Variants in SLC5A4 observed in about 807,000 individuals in gnomAD.
SLC5A4 encodes probable glucose sensor protein SLC5A4.
SLC5A4 carries 55 observed loss-of-function variants against 70.3 expected under a neutral mutation model. The ratio of observed to expected loss-of-function variants is 0.78; its 90% CI spans 0.63 to 0.98. The LOEUF (loss-of-function observed/expected upper bound fraction) is 0.98, where lower values mean the gene tolerates loss of function less well. Among genes scored for constraint, SLC5A4 ranks in the 50% least tolerant of loss-of-function variants. The pLI, the probability that SLC5A4 is intolerant of heterozygous loss-of-function variation, is 0.00. For missense variants in SLC5A4, 735 were observed against 839.2 expected, an observed-to-expected ratio of 0.88 and a Z score of 1.53; for synonymous variants, 268 against 305.7, an observed-to-expected ratio of 0.88 and a Z score of 1.29.
chr22:32,324,246 T>C, the SLC5A4 span, among the ~76,000 whole-genome samples: 4 of 140,744 alleles, frequency 2.8e-5, no homozygotes, highest in Non-Finnish European at 6.1e-5. Flanking sequence ...CATATGTATG[T>C]GTATATATAC....
chr22:32,345,098 A>G, the SLC5A4 span, among the ~76,000 whole-genome samples: 4 of 152,218 alleles, frequency 2.6e-5, no homozygotes, highest in African/African-American at 7.2e-5. Flanking sequence ...TTTAGAATGT[A>G]TTAACTGCAA....
At chr22:32,228,949 G>A (rs546510125) in intron 11 of SLC5A4, among the ~76,000 whole-genome samples, 3 of 152,232 alleles carry the variant, frequency 2.0e-5, no homozygotes, top group Non-Finnish European at 4.4e-5. Context: ...GATGTGAGGA[G>A]GGGAAGAAAT....
chr22:32,263,926 A>G, the SLC5A4 span, among the ~76,000 whole-genome samples: 1 of 152,198 alleles, frequency 6.6e-6, no homozygotes, highest in Non-Finnish European at 1.5e-5. Flanking sequence ...GGGAACCATC[A>G]TTCTCAGTAA....
At chr22:32,235,180 A>G in intron 7 of SLC5A4, 87 bp from the exon 8 acceptor site, 1 of 914,014 alleles carries the variant, frequency 1.1e-6, no homozygotes. Context: ...GTGGAGGTAA[A>G]CAAGCACCTC....
intron 13 of SLC5A4, among the ~76,000 whole-genome samples, chr22:32,223,887 C>T (rs1190409500): frequency 6.6e-6 from 1 of 152,134 alleles, no homozygotes; most frequent in Non-Finnish European, 1.5e-5. Context: ...GAATACATTT[C>T]CTGGAACTCA....
the SLC5A4 span, chr22:32,270,490 C>G: frequency 2.6e-6 from 2 of 782,480 alleles, no homozygotes; most frequent in Non-Finnish European, 4.4e-6. Flanking sequence ...ACCCAGCACC[C>G]CCGAAGCGGA....
the SLC5A4 span, among the ~76,000 whole-genome samples, chr22:32,305,043 G>C: frequency 2.6e-5 from 4 of 151,988 alleles, no homozygotes; most frequent in Non-Finnish European, 4.4e-5. Flanking sequence ...ATTTTATGTA[G>C]GTCTATTTCT....
At chr22:32,324,149 C>T in the SLC5A4 span, among the ~76,000 whole-genome samples, 4 of 149,678 alleles carry the variant, frequency 2.7e-5, no homozygotes, top group South Asian at 4.2e-4. Flanking sequence ...ATGGCATTGA[C>T]GCGGCTCTAT....
the SLC5A4 span, among the ~76,000 whole-genome samples, chr22:32,327,752 TG>T: frequency 0.67 from 102,493 of 151,976 alleles, 34,696 homozygotes; most frequent in East Asian, 0.74. Context: ...GGGACACAGT[TG>T]GGAGTGTCCT....
chr22:32,273,345 G>A, the SLC5A4 span: 46 of 182,572 alleles, frequency 2.5e-4, no homozygotes, highest in East Asian at 1.6e-4. Flanking sequence ...TATTGTTTAC[G>A]GAAGGGGGAA....
chr22:32,347,040 C>T, the SLC5A4 span, among the ~76,000 whole-genome samples: 11 of 152,212 alleles, frequency 7.2e-5, no homozygotes, highest in African/African-American at 2.2e-4. Flanking sequence ...AAAAAGTGGG[C>T]GAAGGATATG....
At chr22:32,232,110 G>C (rs2123890823) in intron 9 of SLC5A4, among the ~76,000 whole-genome samples, 1 of 152,254 alleles carries the variant, frequency 6.6e-6, no homozygotes. Flanking sequence ...AAAGTCCTGG[G>C]CCTCAAGCGA....
the SLC5A4 span, among the ~76,000 whole-genome samples, chr22:32,308,653 CTGA>C: frequency 7.2e-5 from 11 of 152,194 alleles, no homozygotes; most frequent in African/African-American, 1.7e-4. Context: ...TTGAATCTTT[CTGA>C]TGATGAGGGG....
At chr22:32,348,026 G>A in the SLC5A4 span, among the ~76,000 whole-genome samples, 4 of 152,068 alleles carry the variant, frequency 2.6e-5, no homozygotes, top group Non-Finnish European at 5.9e-5. Flanking sequence ...TTGTTTTTTG[G>A]ATACTTCACA....
the SLC5A4 span, among the ~76,000 whole-genome samples, chr22:32,340,192 G>A: frequency 3.9e-5 from 6 of 152,192 alleles, no homozygotes; most frequent in African/African-American, 7.2e-5. Context: ...CCAAGCTGCA[G>A]TGCAGCTGGG....
the SLC5A4 span, chr22:32,276,972 T>A: frequency 1.3e-5 from 2 of 152,182 alleles, no homozygotes; most frequent in African/African-American, 2.4e-5. Context: ...ATAATTTGTT[T>A]TGGCATCTCT....
intron 11 of SLC5A4, among the ~76,000 whole-genome samples, chr22:32,228,624 T>C (rs1002642837): frequency 6.6e-6 from 1 of 151,782 alleles, no homozygotes; most frequent in African/African-American, 2.4e-5. Flanking sequence ...TCGATTTTTT[T>C]CCTCTTGTTT....
At chr22:32,303,383 CAAAA>C in the SLC5A4 span, among the ~76,000 whole-genome samples, 2 of 152,292 alleles carry the variant, frequency 1.3e-5, no homozygotes, top group East Asian at 3.9e-4. Flanking sequence ...AGCCTTTCAC[CAAAA>C]ACACAATCTA....
the SLC5A4 span, among the ~76,000 whole-genome samples, chr22:32,300,394 A>T: frequency 1.3e-5 from 2 of 152,108 alleles, no homozygotes; most frequent in Non-Finnish European, 2.9e-5. Context: ...GGAAAAGCGC[A>T]GTATTCGGGT....
Sources: allele counts gnomAD v4.1 joint callset (sites outside exome capture counted in the v4.1 genomes callset), GRCh38; gene constraint gnomAD v4.1.1; transcripts MANE v1.5; gene names NCBI Gene and HGNC (gene_info 2026-07-23, HGNC 2026-07-21).